Variants in BACE2 observed in about 807,000 individuals in gnomAD.
The protein encoded by BACE2 is beta-secretase 2.
BACE2 carries 17 observed loss-of-function variants against 46.2 expected under a neutral mutation model. That is an observed-to-expected ratio of 0.37 (90% CI 0.25 to 0.55). The LOEUF is 0.55. Ranked by LOEUF, BACE2 falls within the 20% of genes least tolerant of loss-of-function variation. BACE2 has a pLI of 0.82. For missense variants in BACE2, 595 were observed against 698.1 expected (o/e 0.85, Z 1.66); for synonymous variants, 277 against 295.9 (o/e 0.94, Z 0.66).
rs1291939109 is a variant in BACE2, at chr21:41,184,126, G to C, written c.312+15551G>C. 2.4e-5 allele frequency: 4 copies of C among 167,026 alleles called. No homozygotes were observed. In the East Asian group the frequency reaches 7.7e-4, roughly 32 times the overall value. The allele number at this position is 167,026 out of a possible 1,614,324, so 10.3% of individuals were successfully genotyped here. ...GAAGGTCCCATTGCTGCTTTTTGTA[G>C]ATTCCTCCTAATGTCAGGAGAAGAT... On this transcript the variant is annotated intron_variant, in intron 1 of 8. Coordinates refer to ENST00000330333, the MANE Select transcript of BACE2 (RefSeq NM_012105.5).
intron 5 of BACE2, among the ~76,000 whole-genome samples, chr21:41,244,897 G>A (rs1987422089): frequency 6.6e-6 from 1 of 152,004 alleles, no homozygotes; most frequent in Non-Finnish European, 1.5e-5. Context: ...GTGTGTATGT[G>A]TGTGTGTGTG....
At chr21:41,247,266 C>T (rs915821390) in intron 6 of BACE2, among the ~76,000 whole-genome samples, 20 of 151,932 alleles carry the variant, frequency 1.3e-4, no homozygotes, top group African/African-American at 4.1e-4. Context: ...GTGGATGAAA[C>T]GGACACAGAG....
chr21:41,271,533 A>G (rs1017379007), intron 8 of BACE2, among the ~76,000 whole-genome samples: 1 of 151,934 alleles, frequency 6.6e-6, no homozygotes, highest in African/African-American at 2.4e-5. Flanking sequence ...AAAGAAAACT[A>G]TTTTTCTTTT....
intron 1 of BACE2, among the ~76,000 whole-genome samples, chr21:41,219,472 T>C (rs1312782660): frequency 6.6e-6 from 1 of 152,072 alleles, no homozygotes; most frequent in Non-Finnish European, 1.5e-5. Flanking sequence ...AATAATTCAG[T>C]TTGGGGGAAT....
chr21:41,207,776 GC>G (rs1172721880), intron 1 of BACE2, among the ~76,000 whole-genome samples: 1 of 152,220 alleles, frequency 6.6e-6, no homozygotes, highest in African/African-American at 2.4e-5. Flanking sequence ...GAGTGAGGCT[GC>G]TTACGGCTGC....
At chr21:41,249,185 T>G (rs949242478) in intron 6 of BACE2, among the ~76,000 whole-genome samples, 1 of 141,942 alleles carries the variant, frequency 7.0e-6, no homozygotes, top group Non-Finnish European at 1.5e-5. Flanking sequence ...CTCAGTGGAC[T>G]CAGGACTAGT....
At chr21:41,212,523 G>A (rs1986330859) in intron 1 of BACE2, among the ~76,000 whole-genome samples, 2 of 152,172 alleles carry the variant, frequency 1.3e-5, no homozygotes, top group African/African-American at 4.8e-5. Context: ...AGTGAGGTAG[G>A]CGGGAGGAGG....
chr21:41,244,906 T>A (rs1050468343), intron 5 of BACE2, among the ~76,000 whole-genome samples: 129 of 152,046 alleles, frequency 8.5e-4, no homozygotes, highest in Non-Finnish European at 1.6e-3. Flanking sequence ...TGTGTGTGTG[T>A]GTATTAGAGA....
intron 1 of BACE2, among the ~76,000 whole-genome samples, chr21:41,221,542 T>C (rs1375282348): frequency 6.6e-6 from 1 of 152,122 alleles, no homozygotes; most frequent in African/African-American, 2.4e-5. Context: ...TGTGTGAGTG[T>C]CGGCCGGGCG....
intron 1 of BACE2, chr21:41,181,052 G>C (rs558810429): frequency 6.0e-6 from 1 of 167,222 alleles, no homozygotes; most frequent in South Asian, 2.1e-4. Flanking sequence ...ATTCCTGCCA[G>C]AATTAGTTTT....
At chr21:41,211,268 T>C (rs1488634491) in intron 1 of BACE2, among the ~76,000 whole-genome samples, 1 of 151,804 alleles carries the variant, frequency 6.6e-6, no homozygotes, top group Admixed American at 6.6e-5. Flanking sequence ...CATGTGTCTT[T>C]CTAGTAGGAG....
intron 1 of BACE2, among the ~76,000 whole-genome samples, chr21:41,201,195 C>T (rs976072281): frequency 9.2e-5 from 14 of 152,226 alleles, no homozygotes; most frequent in African/African-American, 3.1e-4. Flanking sequence ...GTTTATCTTA[C>T]GCAGTCTTTT....
intron 1 of BACE2, among the ~76,000 whole-genome samples, chr21:41,219,246 A>G (rs1483878088): frequency 2.0e-5 from 3 of 152,248 alleles, no homozygotes; most frequent in African/African-American, 7.2e-5. Flanking sequence ...AGGTTAAGAT[A>G]TATCACATAA....
chr21:41,198,849 T>TTTTATTTATTGA, intron 1 of BACE2, among the ~76,000 whole-genome samples: 1 of 140,108 alleles, frequency 7.1e-6, no homozygotes, highest in South Asian at 2.2e-4. Context: ...TCTGTACGCT[T>TTTTATTTATTGA]TTTATTTATT....
At chr21:41,213,729 G>C (rs1001901610) in intron 1 of BACE2, among the ~76,000 whole-genome samples, 1 of 151,848 alleles carries the variant, frequency 6.6e-6, no homozygotes, top group Admixed American at 6.6e-5. Flanking sequence ...AGCCAAGATC[G>C]CGCCACTGCA....
At chr21:41,253,721 C>T (rs1200663072) in intron 7 of BACE2, among the ~76,000 whole-genome samples, 2 of 152,184 alleles carry the variant, frequency 1.3e-5, no homozygotes, top group South Asian at 2.1e-4. Context: ...TGGGCAAGCT[C>T]AGGAGCAGAA....
In BACE2 at chr21:41,281,703, A is replaced by T. The variant is rs1383365440; in HGVS notation, c.*6079A>T. On this transcript the variant is annotated 3_prime_UTR_variant, in exon 9 of 9. Coordinates refer to ENST00000330333, the MANE Select transcript of BACE2 (RefSeq NM_012105.5). ...TTTTAAGATGGAGGAAAAAAAGTGA[A>T]CAAAGCTAATTAATCTATCATGAAA... 5.3e-5 allele frequency: 8 copies of T among 152,224 alleles called. No individual in the cohort carries two copies. Among genetic ancestry groups the T allele is most frequent in the Non-Finnish European group, 1.2e-4 (8 of 68,046 alleles). The allele number at this position is 152,224 out of a possible 1,614,324, so 9.4% of individuals were successfully genotyped here. A position where few individuals can be genotyped will look rare whatever the true frequency, so the allele number is the denominator to read the frequency against.
Position 41,232,868 on chromosome 21 carries a change from A to ATTT in BACE2, c.402-4629_402-4627dup, listed in dbSNP as rs142089135. On this transcript the variant is annotated intron_variant, in intron 2 of 8. Transcript: ENST00000330333. ...TGCAAACATGGCCTAACAGACTTGA[A>ATTT]TTTTTTTTTTTTTTTTTTGAGACAG... 4.8e-3 allele frequency among the ~76,000 whole-genome samples: 663 copies of ATTT among 138,004 alleles called. 6 individuals are homozygous for ATTT. The highest frequency in any genetic ancestry group is 9.7e-3 in the African/African-American group (359 of 36,922). The allele number at this position is 138,004 out of a possible 152,430, so 90.5% of individuals were successfully genotyped here. A position where few individuals can be genotyped will look rare whatever the true frequency, so the allele number is the denominator to read the frequency against.
intron 1 of BACE2, among the ~76,000 whole-genome samples, chr21:41,203,746 G>A (rs1278921463): frequency 6.6e-6 from 1 of 152,246 alleles, no homozygotes; most frequent in East Asian, 1.9e-4. Flanking sequence ...AAAACTTAGA[G>A]GTGGGGAAGG....
Sources: allele counts gnomAD v4.1 joint callset (sites outside exome capture counted in the v4.1 genomes callset), GRCh38; gene constraint gnomAD v4.1.1; transcripts MANE v1.5; gene names NCBI Gene and HGNC (gene_info 2026-07-23, HGNC 2026-07-21).